The following DLGAP2 variants were observed in gnomAD, a reference collection of about 807,000 sequenced individuals.
DLGAP2 encodes the protein DLG associated protein 2.
In DLGAP2, 26 loss-of-function variants were observed where a neutral mutation model predicts 100.3. That is an observed-to-expected ratio of 0.26 (90% CI 0.19 to 0.36). The LOEUF (loss-of-function observed/expected upper bound fraction) is 0.36, where lower values mean the gene tolerates loss of function less well. Ranked by LOEUF, DLGAP2 falls within the 10% of genes least tolerant of loss-of-function variation. The pLI is 1.00. For synonymous variants in DLGAP2, 886 were observed against 630.1 expected (o/e 1.41, Z -6.08); for missense variants, 1,858 against 1,453.2 (o/e 1.28, Z -4.53).
At chr8:1,219,661 G>C (rs924238447) in intron 2 of DLGAP2, among the ~76,000 whole-genome samples, 1 of 151,988 alleles carries the variant, frequency 6.6e-6, no homozygotes, top group Non-Finnish European at 1.5e-5. Context: ...CCTCCTCCTT[G>C]ATTTTTTGGA....
intron 2 of DLGAP2, among the ~76,000 whole-genome samples, chr8:914,925 G>C (rs1246062152): frequency 6.6e-6 from 1 of 152,152 alleles, no homozygotes; most frequent in Non-Finnish European, 1.5e-5. Context: ...TTTTGGCTTT[G>C]TCTGAGGATT....
chr8:1,117,311 G>A (rs998091202), intron 2 of DLGAP2, among the ~76,000 whole-genome samples: 7 of 152,244 alleles, frequency 4.6e-5, no homozygotes, highest in African/African-American at 1.7e-4. Flanking sequence ...ACCACTCAGA[G>A]GTGCCACACT....
At position 1,164,536 on chromosome 8, in the gene DLGAP2, C is replaced by T. The variant is rs117683877; in HGVS notation, c.74-94315C>T. Among the ~76,000 whole-genome samples the T allele has an allele frequency of 4.6e-3, 702 of 152,224 alleles. 43 individuals carry two copies. In the East Asian group the frequency reaches 0.13, roughly 27 times the overall value. On this transcript the variant is annotated intron_variant, in intron 2 of 14. Transcript: ENST00000637795. ...GGGCGTGTGGGAACTTTCCTCCCTTCCCGGTGGTGCCACGGATGCTGCCCA... is the reference window on the plus strand; with the variant it reads ...GGGCGTGTGGGAACTTTCCTCCCTTTCCGGTGGTGCCACGGATGCTGCCCA...
intron 2 of DLGAP2, among the ~76,000 whole-genome samples, chr8:1,107,747 G>C (rs1438807484): frequency 6.6e-6 from 1 of 152,140 alleles, no homozygotes; most frequent in African/African-American, 2.4e-5. Context: ...CATTTATTAT[G>C]CCAGGGACTC....
intron 3 of DLGAP2, among the ~76,000 whole-genome samples, chr8:1,435,505 G>T (rs987592724): frequency 6.6e-6 from 1 of 152,170 alleles, no homozygotes; most frequent in African/African-American, 2.4e-5. Context: ...AACCCCCTGT[G>T]CAGCCACCGT....
chr8:1,347,663 C>G (rs1327275639), intron 3 of DLGAP2, among the ~76,000 whole-genome samples: 2 of 151,448 alleles, frequency 1.3e-5, no homozygotes, highest in Non-Finnish European at 2.9e-5. Context: ...CCACACAGAG[C>G]TGCGCTGCTC....
At chr8:1,192,794 G>A (rs945382977) in intron 2 of DLGAP2, among the ~76,000 whole-genome samples, 3 of 151,616 alleles carry the variant, frequency 2.0e-5, no homozygotes, top group African/African-American at 4.8e-5. Context: ...TTAACATTAG[G>A]TATATCTCCT....
chr8:1,583,537 T>C (rs1796016635), intron 6 of DLGAP2, among the ~76,000 whole-genome samples: 2 of 152,168 alleles, frequency 1.3e-5, no homozygotes. Context: ...TGACATCTGA[T>C]TAAGAAGCCT....
intron 6 of DLGAP2, chr8:1,622,212 C>A (rs1413149574): frequency 3.9e-5 from 6 of 152,206 alleles, no homozygotes. Context: ...GGAAGAAACA[C>A]TTCTTATATT....
At chr8:767,292 G>C (rs1821238523) in intron 1 of DLGAP2, among the ~76,000 whole-genome samples, 1 of 150,318 alleles carries the variant, frequency 6.7e-6, no homozygotes, top group Admixed American at 6.6e-5. Flanking sequence ...AAGTCAAGCA[G>C]TTCAAGGATG....
At chr8:787,870 G>T (rs1430131886) in intron 1 of DLGAP2, among the ~76,000 whole-genome samples, 2 of 152,212 alleles carry the variant, frequency 1.3e-5, no homozygotes, top group Non-Finnish European at 2.9e-5. Flanking sequence ...TGAGGGATGA[G>T]GGGTGACGAG....
intron 3 of DLGAP2, among the ~76,000 whole-genome samples, chr8:1,456,095 TGGATCAAA>T (rs1798303092): frequency 6.6e-6 from 1 of 152,212 alleles, no homozygotes; most frequent in South Asian, 2.1e-4. Flanking sequence ...CAGCTTTCGA[TGGATCAAA>T]GCTTGACTCC....
At chr8:1,022,227 A>G (rs1371502488) in intron 2 of DLGAP2, among the ~76,000 whole-genome samples, 148 of 118,718 alleles carry the variant, frequency 1.2e-3, no homozygotes, top group Middle Eastern at 6.0e-3. Flanking sequence ...GGACAGTCCC[A>G]TGCCGAGGTA....
chr8:821,861 A>C (rs1796588858), intron 1 of DLGAP2, among the ~76,000 whole-genome samples: 1 of 152,226 alleles, frequency 6.6e-6, no homozygotes, highest in Non-Finnish European at 1.5e-5. Flanking sequence ...ATGTTCATAC[A>C]TCCTGGATCC....
chr8:1,386,058 G>A (rs973955131), intron 3 of DLGAP2, among the ~76,000 whole-genome samples: 1 of 152,178 alleles, frequency 6.6e-6, no homozygotes, highest in African/African-American at 2.4e-5. Flanking sequence ...AATCTCCACG[G>A]GATTTTGAAA....
chr8:1,316,173 AACTC>A (rs1283221467), intron 3 of DLGAP2, among the ~76,000 whole-genome samples: 1 of 112,704 alleles, frequency 8.9e-6, no homozygotes, highest in African/African-American at 3.2e-5. Context: ...ACACTCGAGA[AACTC>A]AGCAGCGTTT....
At chr8:788,101 C>T (rs541928924) in intron 1 of DLGAP2, among the ~76,000 whole-genome samples, 1 of 152,198 alleles carries the variant, frequency 6.6e-6, no homozygotes, top group African/African-American at 2.4e-5. Flanking sequence ...GGTCTCCCCC[C>T]ACCAGGAGAT....
At chr8:1,107,894 G>T (rs1804828784) in intron 2 of DLGAP2, among the ~76,000 whole-genome samples, 1 of 152,122 alleles carries the variant, frequency 6.6e-6, no homozygotes, top group Non-Finnish European at 1.5e-5. Context: ...GCACGAGAGG[G>T]AGCTCACGAG....
In DLGAP2 at chr8:1,213,172, G is replaced by A. The variant is rs537046464; in HGVS notation, c.74-45679G>A. Among the ~76,000 whole-genome samples the A allele has an allele frequency of 9.2e-5, 14 of 152,154 alleles. No individual in the cohort carries two copies. The East Asian group carries it at 9.7e-4, about 11-fold the overall frequency. ...ACGTCATGATTTCCTTGCTGTGTGC[G>A]GGATGTTATTAGCTGTTTTGCGGGT... On this transcript the variant is annotated intron_variant, in intron 2 of 14. Transcript: ENST00000637795.
Sources: allele counts gnomAD v4.1 joint callset (sites outside exome capture counted in the v4.1 genomes callset), GRCh38; gene constraint gnomAD v4.1.1; transcripts MANE v1.5; gene names NCBI Gene and HGNC (gene_info 2026-07-23, HGNC 2026-07-21).